Variants in CAMTA1 observed in about 807,000 individuals in gnomAD.
CAMTA1 encodes calmodulin-binding transcription activator 1.
CAMTA1 carries 27 observed loss-of-function variants against 170.9 expected under a neutral mutation model. That is an observed-to-expected ratio of 0.16 (90% confidence interval 0.12 to 0.22). CAMTA1 has a LOEUF of 0.22. CAMTA1 is among the 10% of genes least tolerant of loss of function. The pLI, the probability that CAMTA1 is intolerant of heterozygous loss-of-function variation, is 1.00. For synonymous variants in CAMTA1, 833 were observed against 891.5 expected, an observed-to-expected ratio of 0.93 and a Z score of 1.17; for missense variants, 1,619 against 2,217.2, an observed-to-expected ratio of 0.73 and a Z score of 5.42.
chr1:7,621,029 C>G (rs557671670), intron 6 of CAMTA1, among the ~76,000 whole-genome samples: 3 of 151,986 alleles, frequency 2.0e-5, no homozygotes, highest in African/African-American at 7.2e-5. Context: ...AGGGAAAGGC[C>G]GTAGGGTCAG....
intron 3 of CAMTA1, among the ~76,000 whole-genome samples, chr1:6,902,689 A>T (rs1209367212): frequency 2.0e-5 from 3 of 152,244 alleles, no homozygotes; most frequent in Non-Finnish European, 4.4e-5. Context: ...TTCACAAAAG[A>T]AGTTATACAC....
chr1:7,498,271 T>C (rs928504299), intron 6 of CAMTA1, among the ~76,000 whole-genome samples: 1 of 146,854 alleles, frequency 6.8e-6, no homozygotes, highest in Non-Finnish European at 1.5e-5. Context: ...AGAGAGCGTG[T>C]GTGAGTGTGA....
At chr1:7,428,282 A>G (rs1575266688) in intron 5 of CAMTA1, among the ~76,000 whole-genome samples, 1 of 152,076 alleles carries the variant, frequency 6.6e-6, no homozygotes, top group African/African-American at 2.4e-5. Flanking sequence ...GGGCGAATGC[A>G]CTGTTCCATT....
rs1290842323 is a variant in CAMTA1 at position 7,737,024 on chromosome 1, C to T, written c.3342+15C>T. ...GTACTCCTCTGGTAAGGAATGGATTCCTGTAGCCCCCCCTTGCTGTTCTTC... is the reference window on the plus strand; with the variant it reads ...GTACTCCTCTGGTAAGGAATGGATTTCTGTAGCCCCCCCTTGCTGTTCTTC... On this transcript the variant is annotated intron_variant, in intron 14 of 22. Transcript: ENST00000303635. 1 of 1,582,554 alleles carries T rather than the reference C, an allele frequency of 6.3e-7. No homozygotes were observed. Among genetic ancestry groups the T allele is most frequent in the South Asian group, 1.1e-5 (1 of 89,832 alleles).
At chr1:7,034,149 ATTG>A (rs1299190735) in intron 3 of CAMTA1, among the ~76,000 whole-genome samples, 1 of 151,436 alleles carries the variant, frequency 6.6e-6, no homozygotes, top group African/African-American at 2.4e-5. Context: ...AGTGACAGTG[ATTG>A]TTGTTTTGTT....
chr1:6,834,570 A>G (rs991859845), intron 3 of CAMTA1: 4 of 211,366 alleles, frequency 1.9e-5, no homozygotes, highest in South Asian at 1.6e-4. Context: ...CGGTGGCACA[A>G]TGTGTGTGTC....
At chr1:6,977,473 T>C (rs1477513588) in intron 3 of CAMTA1, among the ~76,000 whole-genome samples, 1 of 152,116 alleles carries the variant, frequency 6.6e-6, no homozygotes, top group Non-Finnish European at 1.5e-5. Flanking sequence ...CCCGAGTAGC[T>C]GGGACTACAC....
At chr1:7,499,159 T>A (rs1432041950) in intron 6 of CAMTA1, among the ~76,000 whole-genome samples, 48 of 55,430 alleles carry the variant, frequency 8.7e-4, no homozygotes, top group African/African-American at 3.5e-3. Flanking sequence ...TATATGAGTG[T>A]GTGTGTGCAT....
At chr1:7,521,460 T>TTGTGTGTG (rs577852016) in intron 6 of CAMTA1, among the ~76,000 whole-genome samples, 1 of 149,734 alleles carries the variant, frequency 6.7e-6, no homozygotes, top group Non-Finnish European at 1.5e-5. Flanking sequence ...TTACTTGCAT[T>TTGTGTGTG]TGTGTGTGTG....
At chr1:7,346,560 C>A (rs573357482) in intron 5 of CAMTA1, among the ~76,000 whole-genome samples, 4 of 152,308 alleles carry the variant, frequency 2.6e-5, no homozygotes, top group South Asian at 2.1e-4. Flanking sequence ...AGACTTCCCC[C>A]CTTAGGGATG....
chr1:6,789,947 T>A (rs1640574271), intron 1 of CAMTA1, among the ~76,000 whole-genome samples: 1 of 151,790 alleles, frequency 6.6e-6, no homozygotes, highest in Admixed American at 6.6e-5. Context: ...GTAGCTGGGA[T>A]TACAGGCGTG....
Position 7,248,533 on chromosome 1 carries a change from T to G in CAMTA1, c.303-958T>G, listed in dbSNP as rs79853523. Among the ~76,000 whole-genome samples, 340 of 152,258 alleles carry G rather than the reference T, an allele frequency of 2.2e-3. 12 individuals carry two copies. The East Asian group carries it at 0.059, about 26-fold the overall frequency. On this transcript the variant is annotated intron_variant, in intron 4 of 22. Coordinates refer to ENST00000303635, the MANE Select transcript of CAMTA1 (RefSeq NM_015215.4). This position sits in a 1 kb window ranked among gnomAD's most constrained non-coding sequence, Gnocchi z 4.0. ...TGCTAGATTTTGGGGGAGTCTTCCT[T>G]GACGTTGGATCTGCCCACAGCTACT... is the stretch of plus-strand genomic sequence containing the variant.
chr1:7,601,934 A>AGAGAGG (rs1037078646), intron 6 of CAMTA1, among the ~76,000 whole-genome samples: 15 of 149,538 alleles, frequency 1.0e-4, no homozygotes, highest in African/African-American at 3.5e-4. Flanking sequence ...GACCGTGGAA[A>AGAGAGG]GAGAGGGAGA....
intron 4 of CAMTA1, among the ~76,000 whole-genome samples, chr1:7,221,100 A>G (rs766155): frequency 0.058 from 8,901 of 152,296 alleles, 846 homozygotes; most frequent in African/African-American, 0.2. Context: ...CGGCTTTCTC[A>G]GAACCCATCC....
intron 3 of CAMTA1, among the ~76,000 whole-genome samples, chr1:6,980,844 A>G (rs1340262040): frequency 6.6e-6 from 1 of 152,056 alleles, no homozygotes; most frequent in Non-Finnish European, 1.5e-5. Context: ...TTTATAAATT[A>G]CTCAGTCTTG....
chr1:7,101,654 A>G (rs1239593165), intron 4 of CAMTA1, among the ~76,000 whole-genome samples: 1 of 152,246 alleles, frequency 6.6e-6, no homozygotes, highest in Non-Finnish European at 1.5e-5. Flanking sequence ...ACACACATGT[A>G]TGCACATACA....
chr1:6,792,760 A>C (rs554760023), intron 1 of CAMTA1, among the ~76,000 whole-genome samples: 1 of 151,918 alleles, frequency 6.6e-6, no homozygotes, highest in Admixed American at 6.6e-5. Context: ...TTGTTTTTCA[A>C]ATTTAGCCAG....
rs374854646 is a variant in CAMTA1, at chr1:7,732,570, G to A, written c.3037G>A (p.Gly1013Arg). Residue 1013 changes from glycine to arginine, a missense_variant, in exon 12 of 23, where the codon GGG (glycine) becomes AGG (arginine). This residue lies in a region of CAMTA1 where 143 missense variants were observed against 184.2 expected (regional missense o/e 0.78). Coordinates refer to ENST00000303635, the MANE Select transcript of CAMTA1 (RefSeq NM_015215.4). The surrounding 1 kb of genome is among the most constrained non-coding windows in gnomAD (Gnocchi z 4.1). ...AGGCGGCAGCAGTGGAGGCGGCAGC[G>A]GGAGCGGGAATGGAGGGAGCCAGGC... ...SGGGSSGGGSGSGNGGSQAQC... is the reference protein window; with the variant it reads ...SGGGSSGGGSRSGNGGSQAQC... The A allele has an allele frequency of 1.4e-5, 22 of 1,611,406 alleles. No homozygotes were observed. The highest frequency in any genetic ancestry group is 2.7e-5 in the African/African-American group (2 of 74,966).
At chr1:6,966,900 C>T (rs1395428542) in intron 3 of CAMTA1, among the ~76,000 whole-genome samples, 1 of 151,482 alleles carries the variant, frequency 6.6e-6, no homozygotes, top group African/African-American at 2.4e-5. Context: ...GCATGAGCCA[C>T]CGTGCCCGGC....
Sources: allele counts gnomAD v4.1 joint callset (sites outside exome capture counted in the v4.1 genomes callset), GRCh38; gene constraint gnomAD v4.1.1; regional missense constraint gnomAD v4.1.1; non-coding constraint Gnocchi (gnomAD v3.1); transcripts MANE v1.5; gene names NCBI Gene and HGNC (gene_info 2026-07-23, HGNC 2026-07-21).